ASIC2: variants seen among roughly 807,000 people sequenced by gnomAD.
ASIC2 encodes the protein acid sensing ion channel subunit 2.
ASIC2 carries 25 observed loss-of-function variants against 57.3 expected under a neutral mutation model. The observed-to-expected ratio is 0.44, with a 90% CI of 0.32 to 0.61. The LOEUF (loss-of-function observed/expected upper bound fraction) is 0.61. Ranked by LOEUF, ASIC2 falls within the 20% of genes least tolerant of loss-of-function variation. The probability of loss-of-function intolerance (pLI) is 0.06; values close to 1 mark genes in which losing one functional copy is unlikely to be tolerated. For missense variants in ASIC2, 641 were observed against 738.1 expected, an observed-to-expected ratio of 0.87 and a Z score of 1.52; for synonymous variants, 319 against 307.5, an observed-to-expected ratio of 1.04 and a Z score of -0.39.
At chr17:33,653,758 C>T (rs1298773592) in intron 1 of ASIC2, among the ~76,000 whole-genome samples, 1 of 152,160 alleles carries the variant, frequency 6.6e-6, no homozygotes, top group Non-Finnish European at 1.5e-5. Flanking sequence ...GAAGAAGAAA[C>T]ATGGAATCTG....
chr17:33,337,659 G>C (rs1042639801), intron 1 of ASIC2, among the ~76,000 whole-genome samples: 25 of 152,226 alleles, frequency 1.6e-4, no homozygotes, highest in African/African-American at 4.8e-5. Flanking sequence ...AGATGTTCTG[G>C]AGGGGCAAGG....
intron 1 of ASIC2, among the ~76,000 whole-genome samples, chr17:34,154,374 G>C (rs779111149): frequency 2.6e-5 from 4 of 152,104 alleles, no homozygotes; most frequent in Non-Finnish European, 4.4e-5. Context: ...AATATTACTG[G>C]TCCCTTCTCC....
At chr17:33,055,801 G>A (rs1191363364) in intron 3 of ASIC2, among the ~76,000 whole-genome samples, 4 of 152,206 alleles carry the variant, frequency 2.6e-5, no homozygotes, top group East Asian at 1.9e-4. Context: ...TAAGAAAAGC[G>A]ACTGCGCCAT....
intron 1 of ASIC2, chr17:34,037,384 G>C: frequency 2.2e-6 from 1 of 460,612 alleles, no homozygotes; most frequent in Non-Finnish European, 3.8e-6. Flanking sequence ...AGTGGCCGTT[G>C]ACGCTGGAAC....
At chr17:33,094,317 G>A (rs1485856104) in intron 2 of ASIC2, among the ~76,000 whole-genome samples, 1 of 152,100 alleles carries the variant, frequency 6.6e-6, no homozygotes. Flanking sequence ...CCACAGCTCC[G>A]GGTTGGGGGC....
intron 1 of ASIC2, among the ~76,000 whole-genome samples, chr17:33,169,915 C>T (rs1291774200): frequency 6.6e-6 from 1 of 152,158 alleles, no homozygotes; most frequent in African/African-American, 2.4e-5. Flanking sequence ...TCTTTGTAGC[C>T]TTGGGTGGGC....
At chr17:33,939,669 C>T (rs1916142320) in intron 1 of ASIC2, among the ~76,000 whole-genome samples, 1 of 152,166 alleles carries the variant, frequency 6.6e-6, no homozygotes, top group African/African-American at 2.4e-5. Flanking sequence ...ACTGTGGACT[C>T]CAGGGCTGGG....
chr17:33,738,144 G>T (rs1316717669), intron 1 of ASIC2, among the ~76,000 whole-genome samples: 1 of 152,052 alleles, frequency 6.6e-6, no homozygotes, highest in Non-Finnish European at 1.5e-5. Flanking sequence ...GCTCTTCTCA[G>T]GCCACTGGCA....
rs36008487 is a variant in ASIC2 at position 33,962,643 on chromosome 17, G to A, written c.555+193335C>T. Among the ~76,000 whole-genome samples the A allele has an allele frequency of 7.4e-3, 1,131 of 152,222 alleles. 19 individuals carry two copies. Among genetic ancestry groups the A allele is most frequent in the African/African-American group, 0.026 (1,080 of 41,518 alleles). ...ACTGAGTCAGAATAACCAAGGCTCA[G>A]CTGACTCCACCTCAAATCAACAGGA... is the stretch of plus-strand genomic sequence containing the variant. On this transcript the variant is annotated intron_variant, in intron 1 of 9. Transcript: ENST00000359872.
At chr17:33,511,541 A>G (rs1265603027) in intron 1 of ASIC2, among the ~76,000 whole-genome samples, 1 of 152,056 alleles carries the variant, frequency 6.6e-6, no homozygotes, top group Non-Finnish European at 1.5e-5. Context: ...TCATACTCTA[A>G]AGCCCATCAA....
intron 1 of ASIC2, among the ~76,000 whole-genome samples, chr17:33,563,715 A>G (rs1240258698): frequency 6.6e-6 from 1 of 152,106 alleles, no homozygotes; most frequent in East Asian, 1.9e-4. Context: ...ACTGGAAATG[A>G]TCTCAGAGAC....
intron 1 of ASIC2, among the ~76,000 whole-genome samples, chr17:33,813,611 T>C (rs1912490845): frequency 6.6e-6 from 1 of 152,174 alleles, no homozygotes; most frequent in Non-Finnish European, 1.5e-5. Context: ...TAATTTTTTG[T>C]ATTTTTAGTA....
At chr17:33,640,457 A>G (rs550687701) in intron 1 of ASIC2, among the ~76,000 whole-genome samples, 9 of 152,230 alleles carry the variant, frequency 5.9e-5, no homozygotes, top group Non-Finnish European at 1.2e-4. Context: ...GCACCTCCTG[A>G]TCCACCTGGA....
chr17:34,109,895 G>A (rs891755392), intron 1 of ASIC2, among the ~76,000 whole-genome samples: 3 of 151,870 alleles, frequency 2.0e-5, no homozygotes, highest in Non-Finnish European at 2.9e-5. Context: ...TCTATCTATC[G>A]TGATACTGTA....
intron 3 of ASIC2, among the ~76,000 whole-genome samples, chr17:33,075,088 T>A (rs1485268692): frequency 6.6e-6 from 1 of 152,136 alleles, no homozygotes; most frequent in Admixed American, 6.5e-5. Flanking sequence ...GAATTGTAAC[T>A]CCCACAATTC....
intron 1 of ASIC2, among the ~76,000 whole-genome samples, chr17:34,035,697 A>G (rs1420499205): frequency 6.6e-6 from 1 of 152,028 alleles, no homozygotes; most frequent in Non-Finnish European, 1.5e-5. Context: ...AAAAAAACAA[A>G]CAACCCCATC....
At position 33,690,424 on chromosome 17, in the gene ASIC2, G is replaced by T. The variant is rs980405444; in HGVS notation, c.555+465554C>A. 1.9e-4 allele frequency among the ~76,000 whole-genome samples: 29 copies of T among 152,156 alleles called. 1 individual carries two copies. The highest frequency in any genetic ancestry group is 6.5e-5 in the Admixed American group (1 of 15,274). ...CAGTTGGGGGCTTTTGGCATCTTTTGCTCTTCATGTGGTTTCTCCATGTGG... is the reference window on the plus strand; with the variant it reads ...CAGTTGGGGGCTTTTGGCATCTTTTTCTCTTCATGTGGTTTCTCCATGTGG... On this transcript the variant is annotated intron_variant, in intron 1 of 9. Coordinates refer to the ASIC2 transcript ENST00000359872.
Position 33,336,977 on chromosome 17 carries a change from G to C in ASIC2, c.556-224910C>G, listed in dbSNP as rs537173661. On this transcript the variant is annotated intron_variant, in intron 1 of 9. Coordinates refer to the ASIC2 transcript ENST00000359872. ...AGAGCAGAGAAGGGGGATTCATCAG[G>C]GTGCCTGGGCTGCGTAGAAATATCT... Among the ~76,000 whole-genome samples the C allele has an allele frequency of 4.6e-5, 7 of 152,226 alleles. No individual in the cohort carries two copies. In the East Asian group the frequency reaches 1.4e-3, roughly 29 times the overall value.
chr17:33,257,860 G>A (rs1909135479), intron 1 of ASIC2, among the ~76,000 whole-genome samples: 1 of 152,118 alleles, frequency 6.6e-6, no homozygotes, highest in African/African-American at 2.4e-5. Flanking sequence ...TTCCTAGCTG[G>A]GTAACCTTAG....
Sources: gnomAD v4.1 joint callset for allele counts (sites outside exome capture counted in the v4.1 genomes callset) on GRCh38, gnomAD v4.1.1 for gene constraint, MANE v1.5 for transcripts, NCBI Gene and HGNC (gene_info 2026-07-23, HGNC 2026-07-21) for gene names.